The following PRKAR2B variants were observed in gnomAD, a reference collection of about 807,000 sequenced individuals.
The protein encoded by PRKAR2B is cAMP-dependent protein kinase type II-beta regulatory subunit.
In PRKAR2B, 14 loss-of-function variants were observed where a neutral mutation model predicts 49.9. That is an observed-to-expected ratio of 0.28 (90% CI 0.19 to 0.44). PRKAR2B has a LOEUF of 0.44. PRKAR2B is among the 20% of genes least tolerant of loss of function. The pLI, the probability that PRKAR2B is intolerant of heterozygous loss-of-function variation, is 1.00. For synonymous variants in PRKAR2B, 196 were observed against 197.7 expected (o/e 0.99, Z 0.07); for missense variants, 393 against 537.9 (o/e 0.73, Z 2.67).
At chr7:107,155,122 G>A (rs1400590132) in intron 8 of PRKAR2B, among the ~76,000 whole-genome samples, 2 of 152,218 alleles carry the variant, frequency 1.3e-5, no homozygotes, top group Admixed American at 6.5e-5. Context: ...CAACTAAGGG[G>A]ACGCTGCTGG....
rs577507000 is a variant in PRKAR2B, at chr7:107,157,384, A to G, written c.1123+60A>G. On this transcript the variant is annotated intron_variant, in intron 10 of 10. Transcript: ENST00000265717. ...TTGAACTTATGTCTGCATTTTATGT[A>G]TTCATGTTGAGTGAATCATTTTATT... 7.4e-4 allele frequency: 1,138 copies of G among 1,537,704 alleles called. 13 individuals are homozygous for G. The South Asian group carries it at 8.7e-3, about 12-fold the overall frequency.
chr7:107,152,858 A>T (rs1044508512), intron 7 of PRKAR2B, among the ~76,000 whole-genome samples: 2 of 152,168 alleles, frequency 1.3e-5, no homozygotes, highest in Admixed American at 6.5e-5. Context: ...CAGAGAAGAA[A>T]ACCAAGCCAG....
chr7:107,078,579 T>C (rs1407811478), intron 2 of PRKAR2B, among the ~76,000 whole-genome samples: 1 of 152,224 alleles, frequency 6.6e-6, no homozygotes, highest in Non-Finnish European at 1.5e-5. Flanking sequence ...TCCCTGTGAT[T>C]CATTATGAAT....
At chr7:107,145,489 C>T (rs1326411385) in intron 5 of PRKAR2B, among the ~76,000 whole-genome samples, 1 of 152,104 alleles carries the variant, frequency 6.6e-6, no homozygotes, top group East Asian at 1.9e-4. Flanking sequence ...AATTAGATAG[C>T]GAATATGCCT....
intron 8 of PRKAR2B, 102 bp downstream of exon 8, chr7:107,153,353 A>AGTG (rs1314680106): frequency 6.1e-5 from 44 of 721,278 alleles, no homozygotes; most frequent in Non-Finnish European, 3.3e-5. Context: ...ATTAGTATGC[A>AGTG]GTGATGGGTT....
intron 1 of PRKAR2B, among the ~76,000 whole-genome samples, chr7:107,060,484 A>G (rs770350621): frequency 3.3e-5 from 5 of 152,166 alleles, no homozygotes; most frequent in East Asian, 1.9e-4. Flanking sequence ...ATTGCTAGTG[A>G]CATTGAACAT....
At position 107,160,652 on chromosome 7, in the gene PRKAR2B, AT is replaced by A. The variant is rs1796181440; in HGVS notation, c.*1072del. ...AATATGGGTTTGTTTGGTTTTTTTA[AT>A]TCTTAAAAACATCCTCTAGAGGAAT... is the stretch of plus-strand genomic sequence containing the variant. On this transcript the variant is annotated 3_prime_UTR_variant, in exon 11 of 11. Coordinates refer to ENST00000265717, the MANE Select transcript of PRKAR2B (RefSeq NM_002736.3). The A allele has an allele frequency of 6.6e-6, 1 of 152,148 alleles. No individual in the cohort carries two copies. The highest frequency in any genetic ancestry group is 2.4e-5 in the African/African-American group (1 of 41,442). The allele number at this position is 152,148 out of a possible 1,614,324, so 9.4% of individuals were successfully genotyped here.
chr7:107,091,839 A>G (rs1794737166), intron 2 of PRKAR2B: 1 of 152,164 alleles, frequency 6.6e-6, no homozygotes, highest in Non-Finnish European at 1.5e-5. Context: ...TTTAGAATTT[A>G]TCACCCATGT....
chr7:107,092,431 T>A (rs1735586519), intron 2 of PRKAR2B, among the ~76,000 whole-genome samples: 1 of 152,162 alleles, frequency 6.6e-6, no homozygotes, highest in Non-Finnish European at 1.5e-5. Context: ...AAGGAGATGA[T>A]GTCTTTCAGG....
At chr7:107,079,638 G>A (rs2116786687) in intron 2 of PRKAR2B, 1 of 152,150 alleles carries the variant, frequency 6.6e-6, no homozygotes, top group South Asian at 2.1e-4. Flanking sequence ...TCTTATCTAG[G>A]CCTTGCTATA....
intron 5 of PRKAR2B, 57 bp from the exon 6 acceptor site, chr7:107,146,251 G>C: frequency 6.5e-7 from 1 of 1,529,316 alleles, no homozygotes; most frequent in Non-Finnish European, 8.9e-7. Context: ...CTGAAATAAT[G>C]TTTTATTTTA....
chr7:107,086,927 A>G (rs1794631175), intron 2 of PRKAR2B, among the ~76,000 whole-genome samples: 1 of 152,202 alleles, frequency 6.6e-6, no homozygotes. Context: ...AATATAACTA[A>G]CGTATAACAA....
intron 1 of PRKAR2B, among the ~76,000 whole-genome samples, chr7:107,064,069 T>C (rs1794081396): frequency 6.6e-6 from 1 of 152,220 alleles, no homozygotes; most frequent in Non-Finnish European, 1.5e-5. Context: ...TGAGCCCACA[T>C]TTAAAATCCT....
At chr7:107,138,270 G>A (rs1234383579) in intron 4 of PRKAR2B, among the ~76,000 whole-genome samples, 1 of 152,120 alleles carries the variant, frequency 6.6e-6, no homozygotes, top group Non-Finnish European at 1.5e-5. Flanking sequence ...TATAGATTCA[G>A]CAGTTGTAAC....
chr7:107,126,533 G>T (rs1217735946), intron 3 of PRKAR2B, among the ~76,000 whole-genome samples: 1 of 151,950 alleles, frequency 6.6e-6, no homozygotes, highest in Admixed American at 6.6e-5. Context: ...TGAATGGGTT[G>T]GAGAGAAAGA....
intron 2 of PRKAR2B, among the ~76,000 whole-genome samples, chr7:107,107,612 A>G (rs1234980697): frequency 6.6e-6 from 1 of 151,692 alleles, no homozygotes; most frequent in African/African-American, 2.4e-5. Flanking sequence ...TGAGGTATGA[A>G]TGGGTAGTGA....
At chr7:107,054,211 T>A (rs1054869190) in intron 1 of PRKAR2B, among the ~76,000 whole-genome samples, 5 of 151,906 alleles carry the variant, frequency 3.3e-5, no homozygotes, top group Non-Finnish European at 7.4e-5. Flanking sequence ...AAAATTAGCC[T>A]GGCGTGGTGG....
At chr7:107,106,078 G>T (rs945973484) in intron 2 of PRKAR2B, among the ~76,000 whole-genome samples, 1 of 152,094 alleles carries the variant, frequency 6.6e-6, no homozygotes, top group African/African-American at 2.4e-5. Flanking sequence ...TCACCCTTTC[G>T]GGGAATCTGG....
chr7:107,062,416 T>C (rs1794042612), intron 1 of PRKAR2B, among the ~76,000 whole-genome samples: 1 of 152,162 alleles, frequency 6.6e-6, no homozygotes. Flanking sequence ...ATATATATAT[T>C]GTGGTATATT....
Sources: allele counts gnomAD v4.1 joint callset (sites outside exome capture counted in the v4.1 genomes callset), GRCh38; gene constraint gnomAD v4.1.1; transcripts MANE v1.5; gene names NCBI Gene and HGNC (gene_info 2026-07-23, HGNC 2026-07-21).